ZNF667: variants seen among roughly 807,000 people sequenced by gnomAD.
ZNF667 encodes zinc finger protein 667.
ZNF667 carries 13 observed loss-of-function variants against 31.8 expected under a neutral mutation model. The ratio of observed to expected loss-of-function variants is 0.41; its 90% confidence interval spans 0.27 to 0.65. ZNF667 has a LOEUF of 0.65. ZNF667 is among the 30% of genes least tolerant of loss of function. The pLI is 0.32. For missense variants in ZNF667, 642 were observed against 725.6 expected, an observed-to-expected ratio of 0.88 and a Z score of 1.32; for synonymous variants, 228 against 247.1, an observed-to-expected ratio of 0.92 and a Z score of 0.73.
At chr19:56,471,142 G>A (rs915352360) in intron 3 of ZNF667, among the ~76,000 whole-genome samples, 1 of 151,964 alleles carries the variant, frequency 6.6e-6, no homozygotes, top group African/African-American at 2.4e-5. Context: ...CAGTTGTTTA[G>A]AAGTGTGTAG....
chr19:56,464,644 C>A (rs1265597571), intron 3 of ZNF667, among the ~76,000 whole-genome samples: 2 of 152,144 alleles, frequency 1.3e-5, no homozygotes, highest in Non-Finnish European at 2.9e-5. Context: ...TATTGTATTG[C>A]CCCATTTTCC....
At chr19:56,451,309 C>A (rs1038702265) in intron 6 of ZNF667, among the ~76,000 whole-genome samples, 1 of 151,934 alleles carries the variant, frequency 6.6e-6, no homozygotes, top group Middle Eastern at 3.4e-3. Flanking sequence ...AACAATGGAG[C>A]ACCGAGATAC....
intron 1 of ZNF667, 164 bp downstream of exon 1, chr19:56,477,108 G>A (rs1195374351): frequency 6.6e-6 from 1 of 152,262 alleles, no homozygotes. Context: ...GGCGGGCCGA[G>A]AACCCACGCA....
chr19:56,462,956 A>G (rs142031456), intron 3 of ZNF667, among the ~76,000 whole-genome samples: 1 of 152,294 alleles, frequency 6.6e-6, no homozygotes, highest in Non-Finnish European at 1.5e-5. Flanking sequence ...TGAGAGCATG[A>G]GCCATGTGGG....
Position 56,441,288 on chromosome 19 carries a change from G to T in ZNF667, c.1707C>A (p.Asp569Glu). ...AATGACTTCTCTGATGTCGAATAAG[G>T]TCTGAGCCACTGCTAAATGCCTTCC... ...ECGKAFSSGS[D>E]LIRHQRSHSS... The change falls in exon 7 of 7, where the codon GAC becomes GAA. Residue 569 changes from aspartate (D) to glutamate (E), a missense_variant. Physicochemically the swap from Asp to Glu is conservative, Grantham distance 45. Transcript: ENST00000504904. This position sits in a 1 kb window ranked among gnomAD's most constrained non-coding sequence, Gnocchi z 4.2. 1 of 1,614,100 alleles carries T rather than the reference G, an allele frequency of 6.2e-7. No homozygotes were observed. The highest frequency in any genetic ancestry group is 8.5e-7 in the Non-Finnish European group (1 of 1,180,000).
At chr19:56,453,615 AT>A (rs751812251) in intron 6 of ZNF667, among the ~76,000 whole-genome samples, 7 of 152,366 alleles carry the variant, frequency 4.6e-5, no homozygotes, top group Non-Finnish European at 8.8e-5. Flanking sequence ...GCTGAAAAGC[AT>A]TTGATAAAAT....
intron 2 of ZNF667, 32 bp from the exon 3 acceptor site, chr19:56,472,219 G>A (rs2043307695): frequency 6.6e-6 from 1 of 152,158 alleles, no homozygotes; most frequent in Non-Finnish European, 1.5e-5. Flanking sequence ...TTTGATATTA[G>A]GTAATCCTGG....
intron 6 of ZNF667, chr19:56,449,492 C>T (rs149453650): frequency 2.1e-4 from 53 of 249,366 alleles, no homozygotes; most frequent in African/African-American, 1.2e-3. Context: ...CCAGCCTGAC[C>T]AACATGGTGA....
rs2042641576 is a variant in ZNF667 at position 56,442,740 on chromosome 19, G to A, written c.255C>T (p.Asp85=). ...VEPVRRRRAP[D]SGSKCETKKL... ...TCTTGGTCTCACATTTAGACCCCGA[G>A]TCTGAAAGACATAAAGGAATTAAAT... Residue 85 remains aspartate (D), a splice_region_variant and synonymous_variant, in exon 7 of 7, where the codon GAC becomes GAT. Transcript: ENST00000504904. 6 of 1,554,856 alleles carry A rather than the reference G, an allele frequency of 3.9e-6. No individual in the cohort carries two copies. The highest frequency in any genetic ancestry group is 1.4e-5 in the African/African-American group (1 of 72,752).
intron 6 of ZNF667, chr19:56,444,395 C>T (rs143609897): frequency 2.5e-6 from 1 of 394,778 alleles, no homozygotes; most frequent in Non-Finnish European, 4.5e-6. Context: ...AAGAATCACT[C>T]CCTATTGCTA....
At chr19:56,456,528 C>G (rs753318100) in intron 6 of ZNF667, among the ~76,000 whole-genome samples, 1 of 152,164 alleles carries the variant, frequency 6.6e-6, no homozygotes, top group Non-Finnish European at 1.5e-5. Flanking sequence ...GGGTTTTTTA[C>G]TGGGGGCTGG....
At chr19:56,467,297 G>T (rs2043184325) in intron 3 of ZNF667, among the ~76,000 whole-genome samples, 1 of 152,124 alleles carries the variant, frequency 6.6e-6, no homozygotes. Context: ...CAGAACCCAT[G>T]AATATGGCAC....
In ZNF667 at chr19:56,458,068, T is replaced by C. The variant is rs1490013164; in HGVS notation, c.253+87A>G. ...TCCAGAACTGTGAGAAGTAGATTTCTGGTGTTTGTAAGTCACCTAATATAT... is the reference window on the plus strand; with the variant it reads ...TCCAGAACTGTGAGAAGTAGATTTCCGGTGTTTGTAAGTCACCTAATATAT... On this transcript the variant is annotated intron_variant, in intron 6 of 6. Transcript: ENST00000504904. The C allele has an allele frequency of 6.0e-6, 7 of 1,168,648 alleles. 1 individual carries two copies. Among genetic ancestry groups the C allele is most frequent in the South Asian group, 3.7e-5 (3 of 80,112 alleles). The allele number at this position is 1,168,648 out of a possible 1,614,324, so 72.4% of individuals were successfully genotyped here.
chr19:56,455,286 G>T (rs1049393259), intron 6 of ZNF667, among the ~76,000 whole-genome samples: 1 of 151,924 alleles, frequency 6.6e-6, no homozygotes, highest in Admixed American at 6.6e-5. Flanking sequence ...CTAAAAATAG[G>T]AACTAATATA....
Position 56,451,868 on chromosome 19 carries a change from C to CAAAA in ZNF667, c.253+6283_253+6286dup, listed in dbSNP as rs71184363. Among the ~76,000 whole-genome samples, 489 of 80,840 alleles carry CAAAA rather than the reference C, an allele frequency of 6.0e-3. 13 individuals carry two copies. Among genetic ancestry groups the CAAAA allele is most frequent in the African/African-American group, 1.0e-2 (186 of 18,660 alleles). The allele number at this position is 80,840 out of a possible 152,430, so 53.0% of individuals were successfully genotyped here. Reference sequence around the variant, plus strand: ...TGGGTGACAGAGCAAGACCCTGTCTCAAAAAAAAAAAAAAAAAAAAAAAAA... The same window carrying CAAAA: ...TGGGTGACAGAGCAAGACCCTGTCTCAAAAAAAAAAAAAAAAAAAAAAAAAAAAA... On this transcript the variant is annotated intron_variant, in intron 6 of 6. Transcript: ENST00000504904.
rs554126786 is a variant in ZNF667, at chr19:56,442,489, T to C, written c.506A>G (p.Glu169Gly). 12 of 1,613,698 alleles carry C rather than the reference T, an allele frequency of 7.4e-6. No homozygotes were observed. In the South Asian group the frequency reaches 1.2e-4, roughly 16 times the overall value. The part of the protein sequence containing the change: ...LKLHQNIHTG[E>G]KPFECSNCRK... ...ACAATTACTGCATTCAAAAGGCTTC[T>C]CTCCTGTATGAATGTTCTGATGAAG... Residue 169 changes from glutamate (E) to glycine (G), a missense_variant, in exon 7 of 7, where the codon GAG becomes GGG. Physicochemically the swap from Glu to Gly is moderately conservative, Grantham distance 98. Coordinates refer to ENST00000504904, the MANE Select transcript of ZNF667 (RefSeq NM_001321356.2).
chr19:56,454,014 A>T (rs2042885848), intron 6 of ZNF667, among the ~76,000 whole-genome samples: 1 of 152,202 alleles, frequency 6.6e-6, no homozygotes, highest in African/African-American at 2.4e-5. Flanking sequence ...ATCAACATAT[A>T]AAAATCCAGC....
At position 56,460,809 on chromosome 19, in the gene ZNF667, T is replaced by C. The variant is rs758172269; in HGVS notation, c.40A>G (p.Ile14Val). The C allele has an allele frequency of 1.3e-6, 2 of 1,592,194 alleles. No homozygotes were observed. Among genetic ancestry groups the C allele is most frequent in the South Asian group, 1.1e-5 (1 of 87,016 alleles). The change falls in exon 5 of 7, where the codon ATA (isoleucine) becomes GTA (valine). Residue 14 changes from isoleucine (I) to valine (V), a missense_variant. Physicochemically the swap from Ile to Val is conservative, Grantham distance 29. Transcript: ENST00000504904. ...TAGATGGCTAAGTCCCCAAATGTTA[T>C]AGGTGCCTGAAATGAAAAATCAAAT... ...ARGKSKSKAP[I>V]TFGDLAIYFS... is the part of the protein sequence containing the mutation.
intron 6 of ZNF667, among the ~76,000 whole-genome samples, chr19:56,455,456 A>C (rs2042912344): frequency 6.6e-6 from 1 of 152,206 alleles, no homozygotes; most frequent in Non-Finnish European, 1.5e-5. Flanking sequence ...AAAGGATGAG[A>C]TCCTGTAATC....
Sources: gnomAD v4.1 joint callset for allele counts (sites outside exome capture counted in the v4.1 genomes callset) on GRCh38, gnomAD v4.1.1 for gene constraint, Gnocchi (gnomAD v3.1) non-coding constraint, MANE v1.5 for transcripts, NCBI Gene and HGNC (gene_info 2026-07-23, HGNC 2026-07-21) for gene names.